Variants in ASPRV1 observed in about 807,000 individuals in gnomAD.
The protein encoded by ASPRV1 is retroviral-like aspartic protease 1.
A neutral mutation model predicts 11.0 loss-of-function variants in ASPRV1; 7 were observed. That is an observed-to-expected ratio of 0.64 (90% CI 0.36 to 1.20). ASPRV1 has a LOEUF of 1.20. Among genes scored for constraint, ASPRV1 ranks in the 50% most tolerant of loss-of-function variants. ASPRV1 has a pLI of 0.02. For synonymous variants in ASPRV1, 136 were observed against 138.4 expected, an observed-to-expected ratio of 0.98 and a Z score of 0.12; for missense variants, 299 against 320.0, an observed-to-expected ratio of 0.93 and a Z score of 0.50.
chr2:69,988,289 C>G, the ASPRV1 span, among the ~76,000 whole-genome samples: 1 of 152,180 alleles, frequency 6.6e-6, no homozygotes, highest in Non-Finnish European at 1.5e-5. Context: ...CATGGCTGAA[C>G]AGATGAACAT....
At chr2:70,048,020 A>G in the ASPRV1 span, among the ~76,000 whole-genome samples, 1 of 148,568 alleles carries the variant, frequency 6.7e-6, no homozygotes, top group African/African-American at 2.5e-5. Flanking sequence ...GAGGCAGGAG[A>G]ATTGCTTAAA....
the ASPRV1 span, chr2:69,938,994 G>A: frequency 6.6e-6 from 1 of 152,580 alleles, no homozygotes; most frequent in Non-Finnish European, 1.5e-5. Flanking sequence ...TTTGTGCGAT[G>A]TTCTTGGGAC....
chr2:70,007,584 A>T, the ASPRV1 span, among the ~76,000 whole-genome samples: 1 of 151,558 alleles, frequency 6.6e-6, no homozygotes, highest in African/African-American at 2.4e-5. Flanking sequence ...AATAAATATG[A>T]ATATATATAT....
the ASPRV1 span, among the ~76,000 whole-genome samples, chr2:69,993,111 A>C: frequency 1.3e-5 from 2 of 152,210 alleles, no homozygotes; most frequent in Non-Finnish European, 2.9e-5. Flanking sequence ...GTGGGGAGGA[A>C]TCAGGCTACC....
At chr2:70,018,176 A>ATAAAT in the ASPRV1 span, 1 of 151,422 alleles carries the variant, frequency 6.6e-6, no homozygotes, top group African/African-American at 2.4e-5. Flanking sequence ...ATAAAATAAA[A>ATAAAT]TAAATGAATA....
At chr2:69,938,068 A>G in the ASPRV1 span, 1 of 1,606,458 alleles carries the variant, frequency 6.2e-7, no homozygotes, top group Admixed American at 1.7e-5. Context: ...CGCTTTCATC[A>G]ATGTCCTTCT....
the ASPRV1 span, among the ~76,000 whole-genome samples, chr2:69,981,288 A>T: frequency 6.6e-6 from 1 of 152,208 alleles, no homozygotes; most frequent in East Asian, 1.9e-4. Flanking sequence ...TGCTGCATCC[A>T]ATGATGATAG....
the ASPRV1 span, among the ~76,000 whole-genome samples, chr2:69,991,756 G>T: frequency 6.6e-6 from 1 of 152,134 alleles, no homozygotes; most frequent in Admixed American, 6.6e-5. Context: ...ATGTTGGCCA[G>T]GCTGGTCTTG....
At chr2:70,082,099 C>T in the ASPRV1 span, among the ~76,000 whole-genome samples, 7 of 152,002 alleles carry the variant, frequency 4.6e-5, no homozygotes, top group Non-Finnish European at 8.8e-5. Context: ...CTCAGCCTCC[C>T]GAGTAGCTGG....
chr2:70,041,169 A>G, the ASPRV1 span, among the ~76,000 whole-genome samples: 1 of 152,226 alleles, frequency 6.6e-6, no homozygotes, highest in Non-Finnish European at 1.5e-5. Context: ...TGATTAGCTA[A>G]GCCAACTGAG....
chr2:69,967,176 A>C, the ASPRV1 span, among the ~76,000 whole-genome samples: 1 of 152,192 alleles, frequency 6.6e-6, no homozygotes, highest in African/African-American at 2.4e-5. Flanking sequence ...ACACCGCCTC[A>C]CTTGGAGAGA....
chr2:69,958,062 G>C (rs1381152769), downstream of ASPRV1, among the ~76,000 whole-genome samples: 1 of 152,194 alleles, frequency 6.6e-6, no homozygotes, highest in Non-Finnish European at 1.5e-5. Context: ...CAAGCCCTCT[G>C]TGGTGTGGCC....
the ASPRV1 span, among the ~76,000 whole-genome samples, chr2:70,074,842 C>T: frequency 6.6e-6 from 1 of 151,248 alleles, no homozygotes; most frequent in Non-Finnish European, 1.5e-5. Flanking sequence ...CGGGGCCAGG[C>T]GCAGTGGCTC....
At chr2:69,933,200 C>CAAAAAAAAAAAAAAAA in the ASPRV1 span, among the ~76,000 whole-genome samples, 4 of 80,144 alleles carry the variant, frequency 5.0e-5, no homozygotes, top group Admixed American at 1.7e-4. Flanking sequence ...AACTCTGTCT[C>CAAAAAAAAAAAAAAAA]AAAAAAAAAA....
chr2:70,036,041 A>T, the ASPRV1 span, among the ~76,000 whole-genome samples: 2 of 151,370 alleles, frequency 1.3e-5, no homozygotes, highest in Non-Finnish European at 2.9e-5. Context: ...TTTGAATCCT[A>T]ATTCTGCATT....
the ASPRV1 span, among the ~76,000 whole-genome samples, chr2:70,070,108 G>C: frequency 6.8e-6 from 1 of 147,158 alleles, no homozygotes; most frequent in Admixed American, 7.0e-5. Context: ...GAACCCAGGA[G>C]GCAGAAGTTG....
At chr2:70,033,485 A>C in the ASPRV1 span, among the ~76,000 whole-genome samples, 5 of 152,038 alleles carry the variant, frequency 3.3e-5, no homozygotes, top group East Asian at 9.7e-4. Context: ...ATTCAAAACA[A>C]CTTAGCTCTC....
At chr2:70,084,434 C>T in the ASPRV1 span, among the ~76,000 whole-genome samples, 1 of 152,174 alleles carries the variant, frequency 6.6e-6, no homozygotes, top group African/African-American at 2.4e-5. Context: ...AGTCTCTGGA[C>T]TCAGATTGCC....
chr2:70,078,672 G>A, the ASPRV1 span, among the ~76,000 whole-genome samples: 1 of 152,214 alleles, frequency 6.6e-6, no homozygotes, highest in Non-Finnish European at 1.5e-5. Context: ...AGGGGAAGTG[G>A]TAGGAAATGA....
Sources: allele counts gnomAD v4.1 joint callset (sites outside exome capture counted in the v4.1 genomes callset), GRCh38; gene constraint gnomAD v4.1.1; transcripts MANE v1.5; gene names NCBI Gene and HGNC (gene_info 2026-07-23, HGNC 2026-07-21).